The following ERMARD variants were observed in gnomAD, a reference collection of about 807,000 sequenced individuals.
The protein encoded by ERMARD is endoplasmic reticulum membrane-associated RNA degradation protein.
ERMARD carries 71 observed loss-of-function variants against 83.9 expected under a neutral mutation model. The ratio of observed to expected loss-of-function variants is 0.85; its 90% CI spans 0.70 to 1.03. The LOEUF (loss-of-function observed/expected upper bound fraction) is 1.03, where lower values mean the gene tolerates loss of function less well. ERMARD is among the 50% of genes least tolerant of loss of function. The pLI is 0.00. For synonymous variants in ERMARD, 284 were observed against 298.6 expected (o/e 0.95, Z 0.50); for missense variants, 838 against 810.9 (o/e 1.03, Z -0.41).
intron 12 of ERMARD, 152 bp from the exon 13 acceptor site, chr6:169,773,167 C>T (rs369607158): frequency 6.8e-6 from 4 of 589,588 alleles, no homozygotes; most frequent in African/African-American, 3.7e-5. Flanking sequence ...CCATGTCAAG[C>T]CTATTTTAAT....
At chr6:169,771,068 C>G (rs1296162814) in intron 12 of ERMARD, 3 of 142,280 alleles carry the variant, frequency 2.1e-5, no homozygotes, top group Non-Finnish European at 3.0e-5. Flanking sequence ...TTTCTTTTTT[C>G]TTTTCTTTCT....
rs532810421 is a variant in ERMARD, at chr6:169,772,889, T to C, written c.1234-430T>C. Among the ~76,000 whole-genome samples, 33 of 151,166 alleles carry C rather than the reference T, an allele frequency of 2.2e-4. 1 individual carries two copies. The South Asian group carries it at 5.3e-3, about 24-fold the overall frequency. ...TTGGCTGACTTGGATTTTTAAGTTA[T>C]GTGGTTATATCAGCTGCAAATAATG... On this transcript the variant is annotated intron_variant, in intron 12 of 17. Transcript: ENST00000366773.
At chr6:169,768,051 A>G (rs1284981441) in intron 10 of ERMARD, 52 bp from the exon 11 acceptor site, 4 of 1,448,642 alleles carry the variant, frequency 2.8e-6, no homozygotes, top group Non-Finnish European at 3.9e-6. Context: ...AAAGTTCTGT[A>G]TGTTTATGTA....
chr6:169,765,839 C>T (rs1281093917), intron 9 of ERMARD, among the ~76,000 whole-genome samples: 1 of 152,180 alleles, frequency 6.6e-6, no homozygotes, highest in Non-Finnish European at 1.5e-5. Flanking sequence ...GAGCGTGCCA[C>T]CGTGCAGCCA....
At chr6:169,757,112 G>A (rs1407586487) in intron 5 of ERMARD, among the ~76,000 whole-genome samples, 4 of 152,132 alleles carry the variant, frequency 2.6e-5, no homozygotes, top group Admixed American at 1.3e-4. Context: ...CTCCCCCTGC[G>A]TCCCTCCCAC....
rs777562745 is a variant in ERMARD at position 169,773,343 on chromosome 6, A to G, written c.1258A>G (p.Ile420Val). The part of the protein sequence containing the change: ...FKEKSAVELL[I>V]SLAEGYSSRC... ...GGAAAAATCAGCCGTAGAATTGTTG[A>G]TTAGTCTTGCAGAAGGCTATAGTTC... Residue 420 changes from isoleucine to valine, a missense_variant, in exon 13 of 18, where the codon ATT becomes GTT. By Grantham distance (29) the Ile-to-Val change is conservative. Coordinates refer to ENST00000366773, the MANE Select transcript of ERMARD (RefSeq NM_018341.3). 1 of 1,614,146 alleles carries G rather than the reference A, an allele frequency of 6.2e-7. No homozygotes were observed. Among genetic ancestry groups the G allele is most frequent in the South Asian group, 1.1e-5 (1 of 91,064 alleles).
At chr6:169,752,055 T>G (rs545927722) in intron 1 of ERMARD, 1 of 243,946 alleles carries the variant, frequency 4.1e-6, no homozygotes, top group South Asian at 1.1e-4. Flanking sequence ...GGGTCCACAC[T>G]CGGACAGTAA....
chr6:169,778,122 T>G (rs936927645), intron 16 of ERMARD, among the ~76,000 whole-genome samples: 3 of 152,180 alleles, frequency 2.0e-5, no homozygotes. Flanking sequence ...TGGAGGGGAC[T>G]GGGGGACAGG....
chr6:169,761,673 GGTTTTGTTTTGTTTT>G (rs57170501), intron 8 of ERMARD, among the ~76,000 whole-genome samples: 1 of 151,188 alleles, frequency 6.6e-6, no homozygotes, highest in South Asian at 2.1e-4. Context: ...ATGTGTAAGT[GGTTTTGTTTTGTTTT>G]GTTTTGTTTT....
chr6:169,765,773 T>A (rs1016041456), intron 9 of ERMARD, among the ~76,000 whole-genome samples: 49 of 152,272 alleles, frequency 3.2e-4, no homozygotes, highest in Admixed American at 3.1e-3. Context: ...TCTTGAGAGC[T>A]AGCTTACACA....
At position 169,770,344 on chromosome 6, in the gene ERMARD, G is replaced by A. The variant is rs1792752578; in HGVS notation, c.1233+631G>A. On this transcript the variant is annotated intron_variant, in intron 12 of 17. Coordinates refer to ENST00000366773, the MANE Select transcript of ERMARD (RefSeq NM_018341.3). ...GTGAGTTCATAGGAAGGTATGTTAT[G>A]TTTTATAGCTAGCATTTTTCATCAA... 10 of 152,188 alleles carry A rather than the reference G, an allele frequency of 6.6e-5. No homozygotes were observed. In the South Asian group the frequency reaches 1.9e-3, roughly 28 times the overall value. The allele number at this position is 152,188 out of a possible 1,614,324, so 9.4% of individuals were successfully genotyped here.
rs1396181585 is a variant in ERMARD, at chr6:169,776,312, C to T, written c.1521-143C>T. 4.5e-5 allele frequency: 70 copies of T among 1,551,944 alleles called. No individual in the cohort carries two copies. In the East Asian group the frequency reaches 6.4e-4, roughly 14 times the overall value. ...CAGTGTGTTTAGTTAACACTTGCCGCGTGTCACGGTTGTCCCTGCAGACCA... is the reference window on the plus strand; with the variant it reads ...CAGTGTGTTTAGTTAACACTTGCCGTGTGTCACGGTTGTCCCTGCAGACCA... On this transcript the variant is annotated intron_variant, in intron 15 of 17. Coordinates refer to ENST00000366773, the MANE Select transcript of ERMARD (RefSeq NM_018341.3).
chr6:169,777,032 A>G (rs1793688286), intron 16 of ERMARD, among the ~76,000 whole-genome samples: 1 of 152,212 alleles, frequency 6.6e-6, no homozygotes, highest in Non-Finnish European at 1.5e-5. Flanking sequence ...AAGGCGGGAA[A>G]ATACAAAGGT....
intron 13 of ERMARD, 95 bp from the exon 14 acceptor site, chr6:169,775,175 G>T: frequency 1.6e-6 from 2 of 1,231,830 alleles, no homozygotes; most frequent in Non-Finnish European, 2.3e-6. Flanking sequence ...AATAATTTAC[G>T]TATTTTCTAG....
At chr6:169,760,928 G>C (rs931500220) in intron 8 of ERMARD, among the ~76,000 whole-genome samples, 172 bp downstream of exon 8, 1 of 152,174 alleles carries the variant, frequency 6.6e-6, no homozygotes, top group Non-Finnish European at 1.5e-5. Flanking sequence ...AGGACCGCCT[G>C]TGATTATATT....
intron 9 of ERMARD, among the ~76,000 whole-genome samples, chr6:169,764,658 TG>T (rs1049195140): frequency 6.8e-4 from 104 of 152,318 alleles, no homozygotes; most frequent in African/African-American, 2.4e-3. Flanking sequence ...TCCTGCTGCC[TG>T]CCAGATGGAG....
intron 9 of ERMARD, among the ~76,000 whole-genome samples, chr6:169,762,962 G>A (rs1474209633): frequency 6.6e-6 from 1 of 152,160 alleles, no homozygotes; most frequent in Non-Finnish European, 1.5e-5. Context: ...ACTTGGTGTG[G>A]TGCCAGCCCT....
In ERMARD at chr6:169,762,496, C is replaced by T. The variant is rs766468842; in HGVS notation, c.925C>T (p.Leu309Phe). Residue 309 changes from leucine (L) to phenylalanine (F), a missense_variant, in exon 9 of 18, where the codon CTT becomes TTT. Physicochemically the swap from Leu to Phe is conservative, Grantham distance 22. Transcript: ENST00000366773. Reference sequence around the variant, plus strand: ...TGGACTTAGGAATGTTTTTGCCACACTTAACAGATGTCCAAAAAGACTCCT... The same window carrying T: ...TGGACTTAGGAATGTTTTTGCCACATTTAACAGATGTCCAAAAAGACTCCT... Reference protein sequence around the residue: ...ETGLRNVFATLNRCPKRLLTA... With the variant: ...ETGLRNVFATFNRCPKRLLTA... 8.7e-6 allele frequency: 14 copies of T among 1,614,056 alleles called. 1 individual carries two copies. In the South Asian group the frequency reaches 1.3e-4, roughly 15 times the overall value.
chr6:169,764,806 G>A (rs1470239660), intron 9 of ERMARD, among the ~76,000 whole-genome samples: 1 of 152,106 alleles, frequency 6.6e-6, no homozygotes, highest in Non-Finnish European at 1.5e-5. Flanking sequence ...CTCTTACTTT[G>A]TTCCTCACCC....
Sources: gnomAD v4.1 joint callset for allele counts (sites outside exome capture counted in the v4.1 genomes callset) on GRCh38, gnomAD v4.1.1 for gene constraint, MANE v1.5 for transcripts, NCBI Gene and HGNC (gene_info 2026-07-23, HGNC 2026-07-21) for gene names.